Variants in ITGB6 observed in about 807,000 individuals in gnomAD.
ITGB6 encodes integrin subunit beta 6.
In ITGB6, 80 loss-of-function variants were observed where a neutral mutation model predicts 84.5. The observed-to-expected ratio is 0.95, with a 90% CI of 0.79 to 1.14. ITGB6 has a LOEUF of 1.14. Ranked by LOEUF, ITGB6 falls within the 50% of genes most tolerant of loss-of-function variation. The pLI, the probability that ITGB6 is intolerant of heterozygous loss-of-function variation, is 0.00. For missense variants in ITGB6, 1,006 were observed against 968.0 expected (o/e 1.04, Z -0.52); for synonymous variants, 383 against 354.9 (o/e 1.08, Z -0.89).
intron 7 of ITGB6, among the ~76,000 whole-genome samples, chr2:160,155,260 T>G (rs541386732): frequency 6.6e-6 from 1 of 152,064 alleles, no homozygotes; most frequent in Non-Finnish European, 1.5e-5. Flanking sequence ...AAGGCAAAAC[T>G]GTGGAGCCAG....
At chr2:160,112,289 A>T in intron 12 of ITGB6, 90 bp from the exon 13 acceptor site, 1 of 1,238,004 alleles carries the variant, frequency 8.1e-7, no homozygotes, top group Non-Finnish European at 1.1e-6. Flanking sequence ...TAATATGTAA[A>T]TTAGAGTTTT....
At chr2:160,182,916 A>T (rs1484122067) in intron 4 of ITGB6, among the ~76,000 whole-genome samples, 1 of 152,216 alleles carries the variant, frequency 6.6e-6, no homozygotes, top group Non-Finnish European at 1.5e-5. Flanking sequence ...AAGGAGAAAT[A>T]AAATCCTTTA....
chr2:160,156,625 G>A (rs182477845), intron 7 of ITGB6, among the ~76,000 whole-genome samples: 98 of 152,240 alleles, frequency 6.4e-4, no homozygotes, highest in South Asian at 1.0e-3. Flanking sequence ...AGAGCTAACC[G>A]TTAGACCTCA....
intron 11 of ITGB6, 44 bp downstream of exon 11, chr2:160,126,335 A>G (rs1184550291): frequency 6.4e-7 from 1 of 1,569,434 alleles, no homozygotes; most frequent in African/African-American, 1.4e-5. Context: ...TTTGATCACT[A>G]TAAACCTATC....
intron 6 of ITGB6, among the ~76,000 whole-genome samples, chr2:160,171,873 C>A (rs1333883645): frequency 3.3e-5 from 5 of 152,128 alleles, no homozygotes; most frequent in Non-Finnish European, 7.4e-5. Flanking sequence ...AATGACTGAA[C>A]TGGCTTTTCA....
intron 7 of ITGB6, among the ~76,000 whole-genome samples, chr2:160,159,487 G>A (rs1684742612): frequency 6.6e-6 from 1 of 152,112 alleles, no homozygotes. Flanking sequence ...TCTATACCCA[G>A]CAACAAAAGT....
chr2:160,110,970 A>G (rs1682478948), intron 13 of ITGB6, among the ~76,000 whole-genome samples: 1 of 152,198 alleles, frequency 6.6e-6, no homozygotes, highest in African/African-American at 2.4e-5. Flanking sequence ...ACTTTTCCCT[A>G]CTACAAAAGC....
At chr2:160,133,176 T>G (rs1279953259) in intron 10 of ITGB6, among the ~76,000 whole-genome samples, 1 of 151,880 alleles carries the variant, frequency 6.6e-6, no homozygotes, top group Non-Finnish European at 1.5e-5. Context: ...CCCATCTCAC[T>G]GCAAAGACAC....
intron 7 of ITGB6, among the ~76,000 whole-genome samples, chr2:160,146,294 A>G (rs549875483): frequency 6.6e-6 from 1 of 152,210 alleles, no homozygotes; most frequent in Admixed American, 6.5e-5. Context: ...GATCAAATCT[A>G]TCACATTTTA....
chr2:160,112,135 G>C lies in ITGB6; in HGVS notation c.2046C>G (p.Phe682Leu). 6.2e-7 allele frequency: 1 copy of C among 1,609,754 alleles called. No individual in the cohort carries two copies. Among genetic ancestry groups the C allele is most frequent in the East Asian group, 2.2e-5 (1 of 44,852 alleles). Reference protein sequence around the residue: ...LQGENECLITFLITTDNEGKT... With the variant: ...LQGENECLITLLITTDNEGKT... ...TCCCCTCATTATCTGTAGTTATTAG[G>C]AATGTAATAAGACATTCATTTTCTC... The change falls in exon 13 of 15, where the codon TTC becomes TTG. Residue 682 changes from phenylalanine (F) to leucine (L), a missense_variant. Physicochemically the swap from Phe to Leu is conservative, Grantham distance 22 (BLOSUM62 0). Transcript: ENST00000283249.
chr2:160,130,973 C>G (rs1012896111), intron 10 of ITGB6, among the ~76,000 whole-genome samples: 1 of 152,080 alleles, frequency 6.6e-6, no homozygotes, highest in Non-Finnish European at 1.5e-5. Flanking sequence ...ATTTAGAAGC[C>G]CTCCTCTCTC....
chr2:160,184,706 T>C (rs1054586566), intron 4 of ITGB6, among the ~76,000 whole-genome samples: 3 of 152,168 alleles, frequency 2.0e-5, no homozygotes, highest in Non-Finnish European at 4.4e-5. Context: ...ATATCCCTGA[T>C]GAACATTGAC....
chr2:160,199,072 T>C (rs1044560042), intron 2 of ITGB6, 107 bp downstream of exon 2: 11 of 853,500 alleles, frequency 1.3e-5, no homozygotes, highest in African/African-American at 1.6e-5. Context: ...GTTTTACTTA[T>C]ACAACTCCAC....
rs1685117722 is a variant in ITGB6, at chr2:160,169,295, T to C, written c.934A>G (p.Ile312Val). 1 of 1,572,808 alleles carries C rather than the reference T, an allele frequency of 6.4e-7. No individual in the cohort carries two copies. The highest frequency in any genetic ancestry group is 8.7e-7 in the Non-Finnish European group (1 of 1,151,552). The change falls in exon 7 of 15, where the codon ATT (isoleucine) becomes GTT (valine). Residue 312 changes from isoleucine (I) to valine (V), a missense_variant. Physicochemically the swap from Ile to Val is conservative, Grantham distance 29. Transcript: ENST00000283249. ...ACCAGTTTATCAATGAGTTGTCCAATTGTTGGATATTCCTAAAATTAACAT... is the reference window on the plus strand; with the variant it reads ...ACCAGTTTATCAATGAGTTGTCCAACTGTTGGATATTCCTAAAATTAACAT... Reference protein sequence around the residue: ...SMSTVLEYPTIGQLIDKLVQN... With the variant: ...SMSTVLEYPTVGQLIDKLVQN...
At chr2:160,108,956 A>G (rs1259674045) in intron 13 of ITGB6, among the ~76,000 whole-genome samples, 1 of 152,228 alleles carries the variant, frequency 6.6e-6, no homozygotes, top group Non-Finnish European at 1.5e-5. Context: ...AAAATCCCAC[A>G]TAAAATTATC....
At chr2:160,120,797 A>T (rs1003337104) in intron 12 of ITGB6, among the ~76,000 whole-genome samples, 1 of 147,542 alleles carries the variant, frequency 6.8e-6, no homozygotes, top group African/African-American at 2.5e-5. Flanking sequence ...CATTCTCAGC[A>T]AACTATCGCA....
At chr2:160,167,484 GA>G (rs1685035771) in intron 7 of ITGB6, among the ~76,000 whole-genome samples, 1 of 152,168 alleles carries the variant, frequency 6.6e-6, no homozygotes, top group Admixed American at 6.6e-5. Context: ...ATGTCCCTTT[GA>G]ATTTAGTGAA....
intron 7 of ITGB6, among the ~76,000 whole-genome samples, chr2:160,161,619 TGTTAGCTATGTCTGA>T (rs1684819088): frequency 6.6e-6 from 1 of 152,160 alleles, no homozygotes; most frequent in African/African-American, 2.4e-5. Context: ...ATGTCAACAA[TGTTAGCTATGTCTGA>T]GTGGTGAGTT....
At chr2:160,112,284 T>C (rs1057264627) in intron 12 of ITGB6, 85 bp from the exon 13 acceptor site, 36 of 1,288,254 alleles carry the variant, frequency 2.8e-5, no homozygotes, top group Non-Finnish European at 3.6e-5. Context: ...AGTTTTAATA[T>C]GTAAATTAGA....
Sources: allele counts gnomAD v4.1 joint callset (sites outside exome capture counted in the v4.1 genomes callset), GRCh38; gene constraint gnomAD v4.1.1; transcripts MANE v1.5; gene names NCBI Gene and HGNC (gene_info 2026-07-23, HGNC 2026-07-21).